LRP1B: variants seen among roughly 807,000 people sequenced by gnomAD.
LRP1B encodes low-density lipoprotein receptor-related protein 1B.
A neutral mutation model predicts 556.6 loss-of-function variants in LRP1B; 217 were observed. The ratio of observed to expected loss-of-function variants is 0.39; its 90% CI spans 0.35 to 0.44. LRP1B has a LOEUF of 0.44. Among genes scored for constraint, LRP1B ranks in the 20% least tolerant of loss-of-function variants. LRP1B has a pLI of 1.00. For missense variants in LRP1B, 5,053 were observed against 5,620.8 expected (o/e 0.90, Z 3.23); for synonymous variants, 2,047 against 1,865.8 (o/e 1.10, Z -2.50).
At chr2:140,450,524 A>C in intron 63 of LRP1B, 44 bp downstream of exon 63, 2 of 1,418,242 alleles carry the variant, frequency 1.4e-6, no homozygotes, top group Non-Finnish European at 2.0e-6. Flanking sequence ...CTGGGATATA[A>C]GGAACTCTAA....
intron 1 of LRP1B, among the ~76,000 whole-genome samples, chr2:141,989,256 G>GT (rs1702279286): frequency 7.9e-6 from 1 of 127,388 alleles, no homozygotes; most frequent in South Asian, 2.7e-4. Context: ...CTTGTTTAAA[G>GT]TTTTTTCTAG....
chr2:141,009,799 A>T (rs1465953200), intron 14 of LRP1B, among the ~76,000 whole-genome samples: 2 of 152,026 alleles, frequency 1.3e-5, no homozygotes, highest in African/African-American at 4.8e-5. Context: ...ATGACCAAAA[A>T]AGATTCACAT....
In LRP1B at chr2:140,353,086, G is replaced by C; in HGVS notation, c.11531-14C>G. On this transcript the variant is annotated splice_polypyrimidine_tract_variant and intron_variant, in intron 75 of 90. Transcript: ENST00000389484. ...ATTCATTAAGGTCTAGAAAAGAAGA[G>C]CTCAAAATAGCATCATCATACCCTC... The C allele has an allele frequency of 6.2e-7, 1 of 1,611,702 alleles. No homozygotes were observed. Among genetic ancestry groups the C allele is most frequent in the Non-Finnish European group, 8.5e-7 (1 of 1,178,958 alleles).
At chr2:140,749,627 G>A (rs1467365948) in intron 35 of LRP1B, among the ~76,000 whole-genome samples, 1 of 152,094 alleles carries the variant, frequency 6.6e-6, no homozygotes, top group African/African-American at 2.4e-5. Flanking sequence ...CCACTGGAAG[G>A]TCTTCAGGGG....
chr2:141,962,964 C>A (rs1251068568), intron 1 of LRP1B, among the ~76,000 whole-genome samples: 1 of 151,782 alleles, frequency 6.6e-6, no homozygotes. Flanking sequence ...CATTTTCCAA[C>A]AAGTCACTGT....
chr2:141,998,634 A>G (rs1401208772), intron 1 of LRP1B, among the ~76,000 whole-genome samples: 1 of 152,206 alleles, frequency 6.6e-6, no homozygotes, highest in Non-Finnish European at 1.5e-5. Flanking sequence ...ACATGTGTCC[A>G]TAGTGGTCAG....
At chr2:141,690,396 A>AATAAATAAATATATATAT (rs5834858) in intron 2 of LRP1B, among the ~76,000 whole-genome samples, 6 of 26,924 alleles carry the variant, frequency 2.2e-4, no homozygotes, top group Non-Finnish European at 3.1e-4. Flanking sequence ...TACATCTATA[A>AATAAATAAATATATATAT]ATATATATAT....
chr2:141,816,752 A>G (rs191259129), intron 1 of LRP1B, among the ~76,000 whole-genome samples: 3 of 152,284 alleles, frequency 2.0e-5, no homozygotes, highest in Admixed American at 1.3e-4. Flanking sequence ...TCACATGTAT[A>G]TAGAGATATA....
chr2:141,023,541 C>T (rs1286601103), intron 11 of LRP1B, among the ~76,000 whole-genome samples: 1 of 151,870 alleles, frequency 6.6e-6, no homozygotes, highest in Non-Finnish European at 1.5e-5. Context: ...GGGAGAAAAA[C>T]ATATTTCTAA....
intron 7 of LRP1B, among the ~76,000 whole-genome samples, chr2:141,098,314 C>G (rs1700371015): frequency 6.6e-6 from 1 of 152,154 alleles, no homozygotes; most frequent in Non-Finnish European, 1.5e-5. Flanking sequence ...ATATCTACAG[C>G]ATATTCAATT....
chr2:140,513,534 A>G (rs558267322), intron 51 of LRP1B, among the ~76,000 whole-genome samples: 97 of 152,076 alleles, frequency 6.4e-4, no homozygotes, highest in African/African-American at 2.3e-3. Context: ...TGATCTTTCT[A>G]TATTTGTCTG....
chr2:140,974,692 G>A (rs183832249), intron 18 of LRP1B, among the ~76,000 whole-genome samples: 33 of 152,208 alleles, frequency 2.2e-4, no homozygotes, highest in African/African-American at 5.8e-4. Context: ...TCTTTCTTTC[G>A]CCATGGCCCT....
intron 79 of LRP1B, among the ~76,000 whole-genome samples, chr2:140,333,329 C>T (rs1680910213): frequency 6.6e-6 from 1 of 151,972 alleles, no homozygotes; most frequent in Non-Finnish European, 1.5e-5. Flanking sequence ...AACAATGTGA[C>T]AGTATATATA....
chr2:140,937,912 AT>A (rs112320532), intron 20 of LRP1B, among the ~76,000 whole-genome samples: 201 of 145,342 alleles, frequency 1.4e-3, no homozygotes, highest in Middle Eastern at 3.7e-3. Context: ...TTGGTAGGAC[AT>A]TTTTTTTTTT....
At chr2:141,890,331 T>TATAC (rs1174044369) in intron 1 of LRP1B, among the ~76,000 whole-genome samples, 1,408 of 120,658 alleles carry the variant, frequency 0.012, 33 homozygotes, top group Middle Eastern at 0.023. Context: ...TACATATATA[T>TATAC]ATATATATAT....
intron 3 of LRP1B, among the ~76,000 whole-genome samples, chr2:141,361,650 A>T (rs973112082): frequency 7.2e-5 from 11 of 152,178 alleles, no homozygotes; most frequent in Admixed American, 2.0e-4. Flanking sequence ...TTCAGTGCTC[A>T]AACTACTTGC....
intron 2 of LRP1B, among the ~76,000 whole-genome samples, chr2:141,601,680 G>A (rs1687749516): frequency 1.4e-5 from 2 of 141,694 alleles, no homozygotes. Flanking sequence ...TTCCCACTCT[G>A]TCACCCAGTC....
intron 2 of LRP1B, among the ~76,000 whole-genome samples, chr2:141,801,502 G>C (rs1053388806): frequency 1.3e-5 from 2 of 152,052 alleles, no homozygotes; most frequent in Non-Finnish European, 2.9e-5. Context: ...GCCGTTATTT[G>C]CACTTCCATC....
At chr2:140,328,785 T>TAC (rs142058381) in intron 79 of LRP1B, among the ~76,000 whole-genome samples, 2 of 151,934 alleles carry the variant, frequency 1.3e-5, no homozygotes, top group African/African-American at 2.4e-5. Flanking sequence ...CATGTTTTCA[T>TAC]ACACACACAC....
Sources: gnomAD v4.1 joint callset for allele counts (sites outside exome capture counted in the v4.1 genomes callset) on GRCh38, gnomAD v4.1.1 for gene constraint, MANE v1.5 for transcripts, NCBI Gene and HGNC (gene_info 2026-07-23, HGNC 2026-07-21) for gene names.